Variants in AGBL4 observed in about 807,000 individuals in gnomAD.
AGBL4 encodes AGBL carboxypeptidase 4.
A neutral mutation model predicts 66.4 loss-of-function variants in AGBL4; 58 were observed. The ratio of observed to expected loss-of-function variants is 0.87; its 90% CI spans 0.71 to 1.09. The LOEUF (loss-of-function observed/expected upper bound fraction) is 1.09, where lower values mean the gene tolerates loss of function less well. AGBL4 is among the 50% of genes least tolerant of loss of function. AGBL4 has a pLI of 0.00. For missense variants in AGBL4, 579 were observed against 631.0 expected, an observed-to-expected ratio of 0.92 and a Z score of 0.88; for synonymous variants, 234 against 222.9, an observed-to-expected ratio of 1.05 and a Z score of -0.44.
intron 4 of AGBL4, among the ~76,000 whole-genome samples, chr1:49,205,832 A>C (rs2148240587): frequency 6.6e-6 from 1 of 152,264 alleles, no homozygotes; most frequent in African/African-American, 2.4e-5. Context: ...AAAGACTTTC[A>C]CAGATGCTTA....
chr1:49,917,410 CAA>C (rs1281551696), intron 1 of AGBL4, among the ~76,000 whole-genome samples: 1 of 150,804 alleles, frequency 6.6e-6, no homozygotes, highest in Non-Finnish European at 1.5e-5. Context: ...AAATGGAAAA[CAA>C]AAAAAGGCAG....
At chr1:48,713,371 A>T (rs1646997501) in intron 6 of AGBL4, among the ~76,000 whole-genome samples, 1 of 152,174 alleles carries the variant, frequency 6.6e-6, no homozygotes, top group African/African-American at 2.4e-5. Context: ...GGTTTCAGTC[A>T]GGAGGACTAT....
At chr1:48,658,843 A>ATGTGTG (rs5774012) in intron 7 of AGBL4, among the ~76,000 whole-genome samples, 3 of 149,568 alleles carry the variant, frequency 2.0e-5, no homozygotes, top group East Asian at 2.0e-4. Flanking sequence ...TGGTGTGTGC[A>ATGTGTG]TGTGTGTGTG....
chr1:49,813,933 C>T (rs957995483), intron 2 of AGBL4, among the ~76,000 whole-genome samples: 5 of 152,082 alleles, frequency 3.3e-5, no homozygotes, highest in African/African-American at 1.2e-4. Flanking sequence ...AGGTCTTTCC[C>T]ATGCTATTCT....
chr1:48,708,270 C>T (rs1372746804), intron 6 of AGBL4, among the ~76,000 whole-genome samples: 1 of 152,110 alleles, frequency 6.6e-6, no homozygotes, highest in Non-Finnish European at 1.5e-5. Context: ...GTGCATGGGC[C>T]AGATAACACC....
At chr1:48,754,555 G>C (rs1470518028) in intron 6 of AGBL4, among the ~76,000 whole-genome samples, 1 of 152,084 alleles carries the variant, frequency 6.6e-6, no homozygotes, top group African/African-American at 2.4e-5. Context: ...TTACTTATTT[G>C]GGGGAGGAGG....
chr1:49,746,341 T>C (rs1194630024), intron 2 of AGBL4, among the ~76,000 whole-genome samples: 1 of 152,052 alleles, frequency 6.6e-6, no homozygotes, highest in African/African-American at 2.4e-5. Context: ...TATTTAATGA[T>C]AACCATCATA....
At chr1:49,239,970 A>G (rs1280910237) in intron 4 of AGBL4, among the ~76,000 whole-genome samples, 1 of 152,034 alleles carries the variant, frequency 6.6e-6, no homozygotes, top group Non-Finnish European at 1.5e-5. Flanking sequence ...TTTTTTAGCT[A>G]TGAGAAAAAA....
At chr1:49,487,640 G>A (rs1038164774) in intron 3 of AGBL4, among the ~76,000 whole-genome samples, 15 of 151,950 alleles carry the variant, frequency 9.9e-5, no homozygotes, top group Non-Finnish European at 2.1e-4. Context: ...GGCCTCACCA[G>A]CAATGCAGAA....
intron 6 of AGBL4, among the ~76,000 whole-genome samples, chr1:48,680,421 T>C (rs992430241): frequency 2.0e-5 from 3 of 152,168 alleles, no homozygotes; most frequent in Admixed American, 1.3e-4. Context: ...TGGTACAGGT[T>C]CATAGATGAG....
intron 4 of AGBL4, among the ~76,000 whole-genome samples, chr1:49,153,282 T>C (rs1008108126): frequency 3.3e-5 from 5 of 152,056 alleles, no homozygotes; most frequent in African/African-American, 1.2e-4. Flanking sequence ...AGACTGTCAC[T>C]GAGGGGAGGA....
chr1:49,845,283 C>A, intron 2 of AGBL4: 3 of 1,557,682 alleles, frequency 1.9e-6, no homozygotes, highest in Non-Finnish European at 2.6e-6. Flanking sequence ...ACCAAATTGC[C>A]CCACTGATCC....
At chr1:49,891,635 T>C (rs1317372492) in intron 1 of AGBL4, among the ~76,000 whole-genome samples, 1 of 152,102 alleles carries the variant, frequency 6.6e-6, no homozygotes, top group East Asian at 1.9e-4. Flanking sequence ...TGAGTAAAAA[T>C]TACGTTGGTG....
intron 1 of AGBL4, among the ~76,000 whole-genome samples, chr1:50,015,640 T>C (rs1416889893): frequency 6.6e-6 from 1 of 151,982 alleles, no homozygotes; most frequent in Non-Finnish European, 1.5e-5. Context: ...TGAATGACAG[T>C]GCAAGACCCT....
At chr1:49,016,781 C>T (rs1662859172) in intron 5 of AGBL4, among the ~76,000 whole-genome samples, 1 of 152,234 alleles carries the variant, frequency 6.6e-6, no homozygotes, top group Admixed American at 6.5e-5. Flanking sequence ...GCCTGTCATT[C>T]TGCACATTGC....
chr1:49,508,555 C>T (rs1414025213), intron 3 of AGBL4, among the ~76,000 whole-genome samples: 2 of 151,774 alleles, frequency 1.3e-5, no homozygotes, highest in Non-Finnish European at 2.9e-5. Flanking sequence ...TTTTATTGAC[C>T]CACAATGAGA....
At chr1:49,403,255 T>C (rs977863745) in intron 3 of AGBL4, among the ~76,000 whole-genome samples, 2 of 152,220 alleles carry the variant, frequency 1.3e-5, no homozygotes, top group African/African-American at 2.4e-5. Flanking sequence ...TTGCCTCTTA[T>C]CTTTTTCTCT....
At chr1:48,595,190 C>T (rs1318352379) in intron 9 of AGBL4, among the ~76,000 whole-genome samples, 2 of 152,190 alleles carry the variant, frequency 1.3e-5, no homozygotes, top group Non-Finnish European at 2.9e-5. Flanking sequence ...ACAGATCTCT[C>T]TCATGGCACT....
intron 3 of AGBL4, among the ~76,000 whole-genome samples, chr1:49,512,477 C>G (rs982988393): frequency 1.3e-5 from 2 of 151,878 alleles, no homozygotes; most frequent in African/African-American, 2.4e-5. Flanking sequence ...TCCTTCATGG[C>G]TTGGTGCTCT....
Sources: gnomAD v4.1 joint callset for allele counts (sites outside exome capture counted in the v4.1 genomes callset) on GRCh38, gnomAD v4.1.1 for gene constraint, MANE v1.5 for transcripts, NCBI Gene and HGNC (gene_info 2026-07-23, HGNC 2026-07-21) for gene names.